The following ARHGAP42 variants were observed in gnomAD, a reference collection of about 807,000 sequenced individuals.
The protein encoded by ARHGAP42 is Rho GTPase activating protein 42.
In ARHGAP42, 63 loss-of-function variants were observed where a neutral mutation model predicts 125.0. The observed-to-expected ratio is 0.50, with a 90% CI of 0.41 to 0.62. ARHGAP42 has a LOEUF of 0.62. Ranked by LOEUF, ARHGAP42 falls within the 20% of genes least tolerant of loss-of-function variation. The probability of loss-of-function intolerance (pLI) is 0.00; values close to 1 mark genes in which losing one functional copy is unlikely to be tolerated. For synonymous variants in ARHGAP42, 339 were observed against 351.0 expected, an observed-to-expected ratio of 0.97 and a Z score of 0.38; for missense variants, 766 against 1,024.2, an observed-to-expected ratio of 0.75 and a Z score of 3.44.
intron 1 of ARHGAP42, among the ~76,000 whole-genome samples, chr11:100,718,045 G>A (rs61910474): frequency 0.062 from 9,479 of 152,186 alleles, 415 homozygotes; most frequent in East Asian, 0.21. Flanking sequence ...ATTTGAAAAT[G>A]TAGTTATTAC....
chr11:100,710,200 A>G (rs1421595817), intron 1 of ARHGAP42, among the ~76,000 whole-genome samples: 1 of 152,000 alleles, frequency 6.6e-6, no homozygotes, highest in Non-Finnish European at 1.5e-5. Context: ...TATCTTTTAT[A>G]TATTATAACA....
chr11:100,919,313 C>G (rs1353835756), intron 5 of ARHGAP42, among the ~76,000 whole-genome samples: 2 of 152,132 alleles, frequency 1.3e-5, no homozygotes, highest in African/African-American at 4.8e-5. Flanking sequence ...TTTGTACAAA[C>G]AGTTTAGGTG....
At position 100,715,611 on chromosome 11, in the gene ARHGAP42, T is replaced by G. The variant is rs557044753; in HGVS notation, c.154+27779T>G. 5.3e-5 allele frequency among the ~76,000 whole-genome samples: 8 copies of G among 152,274 alleles called. No individual in the cohort carries two copies. In the East Asian group the frequency reaches 1.5e-3, roughly 29 times the overall value. ...CCTTGGCGTATGTGCAAAACTGAGC[T>G]TGTGTAAAAACCTCCTGTCAGTGAT... On this transcript the variant is annotated intron_variant, in intron 1 of 23. Transcript: ENST00000298815.
At position 100,992,859 on chromosome 11, in the gene ARHGAP42, C is replaced by T; in HGVS notation, c.*4058C>T. On this transcript the variant is annotated 3_prime_UTR_variant, in exon 24 of 24. Coordinates refer to ENST00000298815, the MANE Select transcript of ARHGAP42 (RefSeq NM_152432.4). ...TCTGCATGTCCTAGACCAATGATTA[C>T]AAGGTGTCTGTGGTTTAGGGGGCCC... 1 of 761,222 alleles carries T rather than the reference C, an allele frequency of 1.3e-6. No homozygotes were observed. Among genetic ancestry groups the T allele is most frequent in the East Asian group, 2.8e-5 (1 of 35,726 alleles). The allele number at this position is 761,222 out of a possible 1,614,324, so 47.2% of individuals were successfully genotyped here.
At chr11:100,763,225 A>G (rs1211989050) in intron 1 of ARHGAP42, among the ~76,000 whole-genome samples, 1 of 151,524 alleles carries the variant, frequency 6.6e-6, no homozygotes, top group East Asian at 1.9e-4. Flanking sequence ...AGGTGATCCA[A>G]CCACCTCGGC....
At chr11:100,774,023 T>G (rs975386828) in intron 2 of ARHGAP42, among the ~76,000 whole-genome samples, 1 of 152,194 alleles carries the variant, frequency 6.6e-6, no homozygotes, top group African/African-American at 2.4e-5. Flanking sequence ...GTATAAAATA[T>G]TTCTGGAACA....
At chr11:100,826,753 C>T (rs1864523325) in intron 3 of ARHGAP42, among the ~76,000 whole-genome samples, 1 of 152,244 alleles carries the variant, frequency 6.6e-6, no homozygotes. Flanking sequence ...GAAATCCTTC[C>T]TGCTCATGTC....
chr11:100,740,734 C>T (rs1395142204), intron 1 of ARHGAP42, among the ~76,000 whole-genome samples: 1 of 152,084 alleles, frequency 6.6e-6, no homozygotes, highest in African/African-American at 2.4e-5. Flanking sequence ...TTCTGCCTCT[C>T]CTGTTGTTGA....
At chr11:100,912,654 A>C (rs1866954891) in intron 4 of ARHGAP42, among the ~76,000 whole-genome samples, 1 of 152,218 alleles carries the variant, frequency 6.6e-6, no homozygotes, top group Non-Finnish European at 1.5e-5. Context: ...TTATATGCCC[A>C]GGAATGTCCT....
intron 3 of ARHGAP42, among the ~76,000 whole-genome samples, chr11:100,808,427 C>T (rs1194836429): frequency 8.4e-6 from 1 of 119,070 alleles, no homozygotes; most frequent in South Asian, 2.7e-4. Context: ...GAGACGGAGT[C>T]TCGCTCTGTC....
rs571857305 is a variant in ARHGAP42 at position 100,919,411 on chromosome 11, C to A, written c.487-2083C>A. ...ACCAGCCAAGGGCCAACCTTGTAAG[C>A]AAACCTTTCAAAACACAGCAGTCAG... On this transcript the variant is annotated intron_variant, in intron 5 of 23. Coordinates refer to ENST00000298815, the MANE Select transcript of ARHGAP42 (RefSeq NM_152432.4). 3.0e-4 allele frequency among the ~76,000 whole-genome samples: 45 copies of A among 152,146 alleles called. 1 individual carries two copies. Among genetic ancestry groups the A allele is most frequent in the African/African-American group, 1.0e-3 (42 of 41,500 alleles).
At chr11:100,737,408 T>C (rs1388779970) in intron 1 of ARHGAP42, among the ~76,000 whole-genome samples, 1 of 152,188 alleles carries the variant, frequency 6.6e-6, no homozygotes, top group Non-Finnish European at 1.5e-5. Flanking sequence ...CGTAGAATCC[T>C]GTGAGTGATT....
chr11:100,929,349 T>A (rs919835356), intron 6 of ARHGAP42, among the ~76,000 whole-genome samples: 1 of 152,170 alleles, frequency 6.6e-6, no homozygotes. Flanking sequence ...CGGCCACAAA[T>A]GACCTTTACT....
At chr11:100,693,977 G>A (rs999317255) in intron 1 of ARHGAP42, among the ~76,000 whole-genome samples, 2 of 151,662 alleles carry the variant, frequency 1.3e-5, no homozygotes, top group East Asian at 3.9e-4. Context: ...CTGTTGCCAG[G>A]CTGGAGTGCA....
At chr11:100,848,526 T>A (rs1460566864) in intron 3 of ARHGAP42, among the ~76,000 whole-genome samples, 4 of 151,310 alleles carry the variant, frequency 2.6e-5, no homozygotes, top group African/African-American at 7.3e-5. Flanking sequence ...TTTCCTGAGG[T>A]GGAGTCTTGT....
intron 17 of ARHGAP42, among the ~76,000 whole-genome samples, chr11:100,968,719 G>A (rs1400862228): frequency 6.6e-6 from 1 of 151,830 alleles, no homozygotes. Flanking sequence ...TTACCATCTG[G>A]TATTATTTTC....
At chr11:100,871,555 A>AAG (rs1555015137) in intron 4 of ARHGAP42, among the ~76,000 whole-genome samples, 2 of 151,492 alleles carry the variant, frequency 1.3e-5, no homozygotes, top group Non-Finnish European at 2.9e-5. Context: ...TAAAAAAAAA[A>AAG]AAAAAAGAAA....
intron 3 of ARHGAP42, among the ~76,000 whole-genome samples, chr11:100,858,484 G>T (rs947346580): frequency 6.6e-6 from 1 of 152,046 alleles, no homozygotes; most frequent in Admixed American, 6.6e-5. Flanking sequence ...TATATTATCT[G>T]TGTGCATTTG....
intron 3 of ARHGAP42, among the ~76,000 whole-genome samples, chr11:100,817,657 C>G (rs1198706295): frequency 6.6e-6 from 1 of 152,178 alleles, no homozygotes; most frequent in Non-Finnish European, 1.5e-5. Flanking sequence ...AGACATTACT[C>G]TAAGCTTCTT....
Sources: allele counts gnomAD v4.1 joint callset (sites outside exome capture counted in the v4.1 genomes callset), GRCh38; gene constraint gnomAD v4.1.1; transcripts MANE v1.5; gene names NCBI Gene and HGNC (gene_info 2026-07-23, HGNC 2026-07-21).